The following NR6A1 variants were observed in gnomAD, a reference collection of about 807,000 sequenced individuals.
NR6A1 encodes nuclear receptor subfamily 6 group A member 1, also known as retinoic acid receptor-related testis-associated receptor.
A neutral mutation model predicts 59.1 loss-of-function variants in NR6A1; 7 were observed. The observed-to-expected ratio is 0.12, with a 90% confidence interval of 0.07 to 0.22. The LOEUF (loss-of-function observed/expected upper bound fraction) is 0.22, where lower values mean the gene tolerates loss of function less well. Among genes scored for constraint, NR6A1 ranks in the 10% least tolerant of loss-of-function variants. The probability of loss-of-function intolerance (pLI) is 1.00; values close to 1 mark genes in which losing one functional copy is unlikely to be tolerated. For missense variants in NR6A1, 468 were observed against 611.6 expected (o/e 0.77, Z 2.48); for synonymous variants, 243 against 236.1 (o/e 1.03, Z -0.27).
chr9:124,672,443 C>T (rs536413982), intron 2 of NR6A1, among the ~76,000 whole-genome samples: 2 of 151,998 alleles, frequency 1.3e-5, no homozygotes, highest in Admixed American at 6.6e-5. Flanking sequence ...AGTGAAATCC[C>T]GTCTCTACTA....
At chr9:124,580,488 A>C (rs543026844) in intron 2 of NR6A1, among the ~76,000 whole-genome samples, 1 of 152,172 alleles carries the variant, frequency 6.6e-6, no homozygotes, top group Non-Finnish European at 1.5e-5. Context: ...TTCATATGGA[A>C]CCAAAAGCAC....
At chr9:124,532,440 C>A (rs1325391906) in intron 7 of NR6A1, among the ~76,000 whole-genome samples, 6 of 152,234 alleles carry the variant, frequency 3.9e-5, no homozygotes. Flanking sequence ...TCCACCAACA[C>A]AACCCTGCAC....
At position 124,613,934 on chromosome 9, in the gene NR6A1, A is replaced by T. The variant is rs560289346; in HGVS notation, c.143-59364T>A. Among the ~76,000 whole-genome samples the T allele has an allele frequency of 1.0e-3, 159 of 152,354 alleles. 1 individual carries two copies. Among genetic ancestry groups the T allele is most frequent in the African/African-American group, 3.7e-3 (155 of 41,594 alleles). On this transcript the variant is annotated intron_variant, in intron 2 of 9. Transcript: ENST00000487099. ...TTGGTCACCTGGCTGGGGCAACTAC[A>T]GAGCTGGACAAACCATATAAAACAA... is the stretch of plus-strand genomic sequence containing the variant.
At chr9:124,676,979 G>C (rs553325212) in intron 2 of NR6A1, among the ~76,000 whole-genome samples, 1 of 152,180 alleles carries the variant, frequency 6.6e-6, no homozygotes, top group South Asian at 2.1e-4. Context: ...CTAGTTTCAA[G>C]ATCAAAACTG....
At chr9:124,765,893 C>T (rs1053604725) in intron 1 of NR6A1, among the ~76,000 whole-genome samples, 9 of 152,098 alleles carry the variant, frequency 5.9e-5, no homozygotes, top group African/African-American at 9.7e-5. Context: ...GCTATTTCTC[C>T]GCCATACTGA....
intron 2 of NR6A1, among the ~76,000 whole-genome samples, chr9:124,692,195 A>G (rs1838571856): frequency 6.6e-6 from 1 of 152,218 alleles, no homozygotes; most frequent in South Asian, 2.1e-4. Context: ...CTACTGCAAA[A>G]TCAGGTATTT....
At chr9:124,626,178 G>T (rs970483338) in intron 2 of NR6A1, among the ~76,000 whole-genome samples, 5 of 152,166 alleles carry the variant, frequency 3.3e-5, no homozygotes, top group East Asian at 1.9e-4. Flanking sequence ...GCTAATTTTT[G>T]TATTTTCCGT....
intron 2 of NR6A1, among the ~76,000 whole-genome samples, chr9:124,697,208 A>C (rs1161926922): frequency 6.6e-6 from 1 of 152,242 alleles, no homozygotes; most frequent in Non-Finnish European, 1.5e-5. Context: ...ATAAGCATGG[A>C]TCTGAGAAAG....
At chr9:124,768,700 A>G (rs1841012071) in intron 1 of NR6A1, among the ~76,000 whole-genome samples, 1 of 152,254 alleles carries the variant, frequency 6.6e-6, no homozygotes, top group Admixed American at 6.5e-5. Flanking sequence ...AAATGAGACT[A>G]TGAATGGGAA....
At chr9:124,528,394 A>G (rs1317223787) in intron 7 of NR6A1, among the ~76,000 whole-genome samples, 2 of 152,214 alleles carry the variant, frequency 1.3e-5, no homozygotes, top group Non-Finnish European at 2.9e-5. Flanking sequence ...ATAAAAAAAG[A>G]CAAATTTTTA....
intron 2 of NR6A1, among the ~76,000 whole-genome samples, chr9:124,617,542 A>G (rs570035053): frequency 6.6e-6 from 1 of 152,278 alleles, no homozygotes; most frequent in Admixed American, 6.5e-5. Context: ...TTCAAAGGAA[A>G]AAGTCTTAGG....
intron 2 of NR6A1, among the ~76,000 whole-genome samples, chr9:124,581,806 C>A (rs12336055): frequency 6.6e-6 from 1 of 151,766 alleles, no homozygotes; most frequent in Non-Finnish European, 1.5e-5. Flanking sequence ...ATTTATGAGC[C>A]GACAAACATG....
chr9:124,618,344 G>A (rs1324050463), intron 2 of NR6A1, among the ~76,000 whole-genome samples: 2 of 152,258 alleles, frequency 1.3e-5, no homozygotes, highest in Admixed American at 6.5e-5. Flanking sequence ...TTAGATGGGC[G>A]TGGTGGCATG....
intron 1 of NR6A1, among the ~76,000 whole-genome samples, chr9:124,737,277 G>A (rs1320902668): frequency 6.6e-6 from 1 of 152,140 alleles, no homozygotes; most frequent in East Asian, 1.9e-4. Context: ...CTGCTATTAT[G>A]TTGTCTCTGG....
intron 2 of NR6A1, among the ~76,000 whole-genome samples, chr9:124,574,155 G>A (rs1418937248): frequency 1.3e-5 from 2 of 152,138 alleles, no homozygotes; most frequent in African/African-American, 2.4e-5. Context: ...TATGTCCTGC[G>A]TACTCTTATA....
chr9:124,740,346 T>C (rs1353727507), intron 1 of NR6A1, among the ~76,000 whole-genome samples: 1 of 152,158 alleles, frequency 6.6e-6, no homozygotes, highest in Non-Finnish European at 1.5e-5. Flanking sequence ...AAAAGACTGG[T>C]TTCAAAATCC....
chr9:124,633,092 G>A (rs569687622), intron 2 of NR6A1, among the ~76,000 whole-genome samples: 6 of 152,180 alleles, frequency 3.9e-5, no homozygotes, highest in African/African-American at 1.2e-4. Context: ...AGGATGCAGT[G>A]CCCCTAAAAA....
intron 2 of NR6A1, among the ~76,000 whole-genome samples, chr9:124,706,519 A>G (rs569046747): frequency 6.8e-6 from 1 of 146,976 alleles, no homozygotes; most frequent in South Asian, 2.2e-4. Context: ...ACATTTAACA[A>G]TTTTTTTTTT....
At chr9:124,604,078 C>T (rs1163740606) in intron 2 of NR6A1, among the ~76,000 whole-genome samples, 2 of 152,194 alleles carry the variant, frequency 1.3e-5, no homozygotes, top group East Asian at 3.8e-4. Context: ...TAGAACTTGG[C>T]TCCTGATGGC....
Sources: allele counts gnomAD v4.1 joint callset (sites outside exome capture counted in the v4.1 genomes callset), GRCh38; gene constraint gnomAD v4.1.1; transcripts MANE v1.5; gene names NCBI Gene and HGNC (gene_info 2026-07-23, HGNC 2026-07-21).